GAA: variants seen among roughly 807,000 people sequenced by gnomAD.
The protein encoded by GAA is alpha glucosidase, also known as lysosomal alpha-glucosidase.
Under a neutral mutation model 103.9 loss-of-function variants are expected in GAA, and 88 were observed. The ratio of observed to expected loss-of-function variants is 0.85; its 90% confidence interval spans 0.71 to 1.01. The LOEUF (loss-of-function observed/expected upper bound fraction) is 1.01. Ranked by LOEUF, GAA falls within the 50% of genes least tolerant of loss-of-function variation. The probability of loss-of-function intolerance (pLI) is 0.00; values close to 1 mark genes in which losing one functional copy is unlikely to be tolerated. For synonymous variants in GAA, 572 were observed against 563.1 expected, an observed-to-expected ratio of 1.02 and a Z score of -0.22; for missense variants, 1,350 against 1,305.3, an observed-to-expected ratio of 1.03 and a Z score of -0.53.
chr17:80,108,570 A>G lies in GAA; in HGVS notation c.1157A>G (p.Gln386Arg), dbSNP rs1567830442. ...WGYSSTAITRQVVENMTRAHF... is the reference protein window; with the variant it reads ...WGYSSTAITRRVVENMTRAHF... ...TACTCCTCCACCGCTATCACCCGCCAGGTGGTGGAGAACATGACCAGGGCC... is the reference window on the plus strand; with the variant it reads ...TACTCCTCCACCGCTATCACCCGCCGGGTGGTGGAGAACATGACCAGGGCC... The change falls in exon 7 of 20, where the codon CAG becomes CGG. Residue 386 changes from glutamine (Q) to arginine (R), a missense_variant. By Grantham distance (43) the Gln-to-Arg change is conservative. Coordinates refer to ENST00000302262, the MANE Select transcript of GAA (RefSeq NM_000152.5). 4.3e-6 allele frequency: 7 copies of G among 1,612,804 alleles called. No individual in the cohort carries two copies. The highest frequency in any genetic ancestry group is 5.1e-6 in the Non-Finnish European group (6 of 1,179,856).
At position 80,119,263 on chromosome 17, in the gene GAA, CTT is replaced by C. The variant is rs773492751; in HGVS notation, c.2800-6_2800-5del. ...TCGGGCTGCTCCATTTGTGCTCTCTCTTTTCCAGGTCCTGGACATCTGTGTCT... is the reference window on the plus strand; with the variant it reads ...TCGGGCTGCTCCATTTGTGCTCTCTCTTCCAGGTCCTGGACATCTGTGTCT... On this transcript the variant is annotated splice_polypyrimidine_tract_variant and splice_region_variant and intron_variant, in intron 19 of 19. Transcript: ENST00000302262. 3.7e-6 allele frequency: 6 copies of C among 1,613,870 alleles called. No homozygotes were observed. The highest frequency in any genetic ancestry group is 5.1e-6 in the Non-Finnish European group (6 of 1,179,802).
In GAA at chr17:80,104,080, A is replaced by G. The variant is rs149952799; in HGVS notation, c.-32-475A>G. ...GGAGTTCGAGACCAGCCTGGGTAAC[A>G]TGGCAAAATCCCGTCTCTACAAAAA... On this transcript the variant is annotated intron_variant, in intron 1 of 19. Coordinates refer to ENST00000302262, the MANE Select transcript of GAA (RefSeq NM_000152.5). The surrounding 1 kb of genome is among the most constrained non-coding windows in gnomAD (Gnocchi z 4.0). Among the ~76,000 whole-genome samples the G allele has an allele frequency of 1.3e-3, 203 of 152,258 alleles. 5 individuals carry two copies. The East Asian group carries it at 0.029, about 22-fold the overall frequency.
intron 8 of GAA, 24 bp from the exon 9 acceptor site, chr17:80,109,921 C>G (rs748489194): frequency 6.3e-7 from 1 of 1,597,574 alleles, no homozygotes; most frequent in South Asian, 1.1e-5. Context: ...CCACCCTCAC[C>G]TTGACAGGTT....
In GAA at chr17:80,113,281, C is replaced by T. The variant is rs786204645; in HGVS notation, c.2104C>T (p.Arg702Cys). Residue 702 changes from arginine (R) to cysteine (C), a missense_variant, in exon 15 of 20, where the codon CGC becomes TGC. Transcript: ENST00000302262. ...QQAMRKALTL[R>C]YALLPHLYTL... ...GGCCATGAGGAAGGCCCTCACCCTG[C>T]GCTACGCACTCCTCCCCCACCTCTA... is the stretch of plus-strand genomic sequence containing the variant. 5.0e-6 allele frequency: 8 copies of T among 1,600,326 alleles called. No homozygotes were observed. Among genetic ancestry groups the T allele is most frequent in the African/African-American group, 2.7e-5 (2 of 74,680 alleles).
intron 18 of GAA, 101 bp downstream of exon 18, chr17:80,118,458 A>G: frequency 2.0e-6 from 3 of 1,477,260 alleles, no homozygotes; most frequent in Non-Finnish European, 2.8e-6. Context: ...GCTACCTGCC[A>G]CTAGGACACT....
chr17:80,112,733 C>G, intron 13 of GAA, 22 bp downstream of exon 13: 1 of 1,598,414 alleles, frequency 6.3e-7, no homozygotes, highest in South Asian at 1.1e-5. Context: ...CCAGGAGGGG[C>G]TGCTCAGCAG....
In GAA at chr17:80,108,832, T is replaced by C; in HGVS notation, c.1326+4T>C. 6.3e-7 allele frequency: 1 copy of C among 1,586,602 alleles called. No individual in the cohort carries two copies. Among genetic ancestry groups the C allele is most frequent in the Admixed American group, 1.8e-5 (1 of 56,076 alleles). ...CCGGCGCTACATGATGATCGTGGTG[T>C]GTGCCCCCACACTGTGGGTCTTTGG... is the stretch of plus-strand genomic sequence containing the variant. On this transcript the variant is annotated splice_donor_region_variant and intron_variant, in intron 8 of 19. Transcript: ENST00000302262.
At position 80,104,126 on chromosome 17, in the gene GAA, C is replaced by T. The variant is rs186688363; in HGVS notation, c.-32-429C>T. ...AAAAATACAGAAAATTAGCTGGGTG[C>T]GGTGGTGTGTGCCTACAGTCCCAGC... On this transcript the variant is annotated intron_variant, in intron 1 of 19. Transcript: ENST00000302262. The surrounding 1 kb of genome is among the most constrained non-coding windows in gnomAD (Gnocchi z 4.0). Among the ~76,000 whole-genome samples, 59 of 152,162 alleles carry T rather than the reference C, an allele frequency of 3.9e-4. No homozygotes were observed. Among genetic ancestry groups the T allele is most frequent in the Admixed American group, 2.7e-3 (42 of 15,282 alleles).
intron 18 of GAA, 94 bp from the exon 19 acceptor site, chr17:80,118,559 A>G: frequency 6.7e-7 from 1 of 1,494,646 alleles, no homozygotes. Context: ...CCCTGATGCC[A>G]TCATGAGTCC....
rs374476196 is a variant in GAA at position 80,104,705 on chromosome 17, G to A, written c.119G>A (p.Arg40Gln). Residue 40 changes from arginine to glutamine, a missense_variant, in exon 2 of 20, where the codon CGA becomes CAA. Coordinates refer to ENST00000302262, the MANE Select transcript of GAA (RefSeq NM_000152.5). This position sits in a 1 kb window ranked among gnomAD's most constrained non-coding sequence, Gnocchi z 4.0. ...ILLHDFLLVP[R>Q]ELSGSSPVLE... ...CTCCATGATTTCCTGCTGGTTCCCC[G>A]AGAGCTGAGTGGCTCCTCCCCAGTC... 123 of 1,612,958 alleles carry A rather than the reference G, an allele frequency of 7.6e-5. No homozygotes were observed. The highest frequency in any genetic ancestry group is 5.5e-4 in the African/African-American group (41 of 75,008).
At chr17:80,113,757 G>C (rs780321634) in intron 15 of GAA, among the ~76,000 whole-genome samples, 1 of 151,512 alleles carries the variant, frequency 6.6e-6, no homozygotes, top group East Asian at 2.0e-4. Flanking sequence ...GGTGGCTAAC[G>C]CCTGTAATCC....
At chr17:80,110,077 C>CG in intron 9 of GAA, 22 bp downstream of exon 9, 2 of 1,596,442 alleles carry the variant, frequency 1.3e-6, no homozygotes, top group Non-Finnish European at 1.7e-6. Flanking sequence ...GTCCAGGGGA[C>CG]GGGGGTTAGA....
Position 80,118,683 on chromosome 17 carries a change from A to T in GAA, c.2677A>T (p.Thr893Ser). ...GATCGTGAATGAGCTGGTACGTGTG[A>T]CCAGTGAGGGAGCTGGCCTGCAGCT... ...NTIVNELVRV[T>S]SEGAGLQLQK... The change falls in exon 19 of 20, where the codon ACC becomes TCC. Residue 893 changes from threonine to serine, a missense_variant. By Grantham distance (58) the Thr-to-Ser change is moderately conservative. Transcript: ENST00000302262. 6.2e-7 allele frequency: 1 copy of T among 1,612,922 alleles called. No homozygotes were observed. The highest frequency in any genetic ancestry group is 8.5e-7 in the Non-Finnish European group (1 of 1,179,982).
At position 80,105,740 on chromosome 17, in the gene GAA, C is replaced by T. The variant is rs746507322; in HGVS notation, c.547-9C>T. On this transcript the variant is annotated splice_polypyrimidine_tract_variant and intron_variant, in intron 2 of 19. Coordinates refer to ENST00000302262, the MANE Select transcript of GAA (RefSeq NM_000152.5). Reference sequence around the variant, plus strand: ...GTGGGGAACATCAATAAACCCCCATCTCTTCTAGATCAAAGATCCAGCTAA... The same window carrying T: ...GTGGGGAACATCAATAAACCCCCATTTCTTCTAGATCAAAGATCCAGCTAA... 1 of 1,611,996 alleles carries T rather than the reference C, an allele frequency of 6.2e-7. No homozygotes were observed. The highest frequency in any genetic ancestry group is 1.1e-5 in the South Asian group (1 of 91,080).
At chr17:80,107,958 CTG>C in intron 5 of GAA, 62 bp downstream of exon 5, 5 of 1,485,366 alleles carry the variant, frequency 3.4e-6, no homozygotes, top group Non-Finnish European at 4.6e-6. Flanking sequence ...GCCCTGGAGA[CTG>C]GAGGTCCGCA....
rs1401218024 is a variant in GAA at position 80,119,342 on chromosome 17, T to G, written c.*11T>G. 1 of 1,611,330 alleles carries G rather than the reference T, an allele frequency of 6.2e-7. No homozygotes were observed. On this transcript the variant is annotated 3_prime_UTR_variant, in exon 20 of 20. Transcript: ENST00000302262. Reference sequence around the variant, plus strand: ...GTCAGCTGGTGTTAGCCGGGCGGAGTGTGTTAGTCTCTCCAGAGGGAGGCT... The same window carrying G: ...GTCAGCTGGTGTTAGCCGGGCGGAGGGTGTTAGTCTCTCCAGAGGGAGGCT...
chr17:80,119,795 C>G lies in GAA; in HGVS notation c.*464C>G, dbSNP rs1466987548. The G allele has an allele frequency of 1.5e-5, 3 of 205,304 alleles. No individual in the cohort carries two copies. Among genetic ancestry groups the G allele is most frequent in the Non-Finnish European group, 3.0e-5 (3 of 99,238 alleles). The allele number at this position is 205,304 out of a possible 1,614,324, so 12.7% of individuals were successfully genotyped here. A position where few individuals can be genotyped will look rare whatever the true frequency, so the allele number is the denominator to read the frequency against. ...GGATGCCTGCCGGTCCCCGAGCAAG[C>G]CTGGGAACTCAGGAAAATTCACAGG... is the stretch of plus-strand genomic sequence containing the variant. On this transcript the variant is annotated 3_prime_UTR_variant, in exon 20 of 20. Coordinates refer to ENST00000302262, the MANE Select transcript of GAA (RefSeq NM_000152.5).
intron 15 of GAA, among the ~76,000 whole-genome samples, chr17:80,115,691 G>A (rs1025289249): frequency 3.3e-5 from 5 of 152,162 alleles, no homozygotes; most frequent in Non-Finnish European, 5.9e-5. Flanking sequence ...CGCAGCTGCT[G>A]TGGTCATCAG....
Position 80,111,996 on chromosome 17 carries a change from G to T in GAA, c.1650G>T (p.Gly550=), listed in dbSNP as rs747638133. ...NPPYVPGVVG[G]TLQAATICAS... ...CGCCTCTTCCAGGGGTGGTTGGGGG[G>T]ACCCTCCAGGCGGCCACCATCTGTG... is the stretch of plus-strand genomic sequence containing the variant. The change falls in exon 12 of 20, where the codon GGG becomes GGT. Residue 550 remains glycine (G), a synonymous_variant. Transcript: ENST00000302262. 6.2e-7 allele frequency: 1 copy of T among 1,613,536 alleles called. No homozygotes were observed. The highest frequency in any genetic ancestry group is 8.5e-7 in the Non-Finnish European group (1 of 1,179,886).
Sources: allele counts gnomAD v4.1 joint callset (sites outside exome capture counted in the v4.1 genomes callset), GRCh38; gene constraint gnomAD v4.1.1; non-coding constraint Gnocchi (gnomAD v3.1); transcripts MANE v1.5; gene names NCBI Gene and HGNC (gene_info 2026-07-23, HGNC 2026-07-21).